Variants in ARMH4 observed in about 807,000 individuals in gnomAD.
ARMH4 encodes the protein armadillo-like helical domain-containing protein 4.
Under a neutral mutation model 61.9 loss-of-function variants are expected in ARMH4, and 49 were observed. That is an observed-to-expected ratio of 0.79 (90% CI 0.63 to 1.00). ARMH4 has a LOEUF of 1.00. ARMH4 is among the 50% of genes least tolerant of loss of function. The pLI, the probability that ARMH4 is intolerant of heterozygous loss-of-function variation, is 0.00. For missense variants in ARMH4, 934 were observed against 930.0 expected (o/e 1.00, Z -0.06); for synonymous variants, 368 against 341.5 (o/e 1.08, Z -0.85).
intron 5 of ARMH4, among the ~76,000 whole-genome samples, chr14:58,025,150 A>G (rs930774452): frequency 2.6e-5 from 4 of 152,172 alleles, no homozygotes; most frequent in Non-Finnish European, 5.9e-5. Flanking sequence ...CAATAAAGTG[A>G]AGGGAAATAA....
intron 4 of ARMH4, chr14:58,116,492 T>C (rs1422137968): frequency 2.6e-5 from 7 of 269,420 alleles, no homozygotes; most frequent in South Asian, 2.3e-4. Flanking sequence ...CTGGGCAACA[T>C]GGTGAAACCC....
Position 58,131,653 on chromosome 14 carries a change from G to A in ARMH4, c.1690C>T (p.Pro564Ser), listed in dbSNP as rs758259560. The change falls in exon 4 of 8, where the codon CCT (proline) becomes TCT (serine). Residue 564 changes from proline to serine, a missense_variant. Physicochemically the swap from Pro to Ser is moderately conservative, Grantham distance 74 (BLOSUM62 -1). Transcript: ENST00000267485. ...TPVLGSPVTP[P>S]GIMVGEPSIS... ...CTGGGTTCCCCCACCATTATTCCAG[G>A]AGGTGTCACTGGAGATCCCAGAACT... 36 of 1,614,086 alleles carry A rather than the reference G, an allele frequency of 2.2e-5. No individual in the cohort carries two copies. Among genetic ancestry groups the A allele is most frequent in the Non-Finnish European group, 2.8e-5 (33 of 1,180,022 alleles).
Position 58,139,216 on chromosome 14 carries a change from T to C in ARMH4, c.143A>G (p.Asp48Gly). Residue 48 changes from aspartate to glycine, a missense_variant, in exon 2 of 8, where the codon GAT becomes GGT. Asp to Gly is a moderately conservative substitution (Grantham distance 94, BLOSUM62 -1). Transcript: ENST00000267485. Reference sequence around the variant, plus strand: ...TTCTAGGTCATCGGTGTTCATCTTATCGGACTGCCCTTTTTCCGCATGAAC... The same window carrying C: ...TTCTAGGTCATCGGTGTTCATCTTACCGGACTGCCCTTTTTCCGCATGAAC... Reference protein sequence around the residue: ...AHVHAEKGQSDKMNTDDLENS... With the variant: ...AHVHAEKGQSGKMNTDDLENS... The C allele has an allele frequency of 1.9e-6, 3 of 1,614,258 alleles. No individual in the cohort carries two copies. The highest frequency in any genetic ancestry group is 1.7e-6 in the Non-Finnish European group (2 of 1,180,046).
intron 5 of ARMH4, among the ~76,000 whole-genome samples, chr14:58,032,209 G>A (rs921095524): frequency 5.3e-5 from 8 of 152,126 alleles, no homozygotes; most frequent in Non-Finnish European, 7.4e-5. Flanking sequence ...GCTCATTGCT[G>A]CAGCTCCAGC....
At position 58,138,015 on chromosome 14, in the gene ARMH4, G is replaced by A; in HGVS notation, c.1344C>T (p.Asp448=). 6.2e-7 allele frequency: 1 copy of A among 1,609,958 alleles called. No individual in the cohort carries two copies. Residue 448 remains aspartate (D), a synonymous_variant, in exon 2 of 8, where the codon GAC becomes GAT. Coordinates refer to ENST00000267485, the MANE Select transcript of ARMH4 (RefSeq NM_001001872.4). The stretch of plus-strand genomic sequence containing the variant: ...CTTTCATTGTATTTCCCAACAGTTG[G>A]TCTGCCTCAGACTCATATACAGAGA... ...VSVSVYESEA[D]QLLGNTMKDI...
At chr14:58,093,340 C>T (rs753166537) in intron 5 of ARMH4, among the ~76,000 whole-genome samples, 5 of 152,108 alleles carry the variant, frequency 3.3e-5, no homozygotes, top group Non-Finnish European at 5.9e-5. Context: ...ACTACAGGCA[C>T]ATACCACCCT....
chr14:58,035,142 G>C (rs1348679596), intron 5 of ARMH4, among the ~76,000 whole-genome samples: 39 of 145,802 alleles, frequency 2.7e-4, no homozygotes, highest in Non-Finnish European at 4.9e-4. Flanking sequence ...TGACCACATA[G>C]TTGGAAGTAA....
chr14:58,069,877 C>T (rs1332746891), intron 5 of ARMH4, among the ~76,000 whole-genome samples: 2 of 152,152 alleles, frequency 1.3e-5, no homozygotes, highest in African/African-American at 4.8e-5. Context: ...GTTGCTGATA[C>T]TCAATTAACA....
At chr14:58,023,142 A>G (rs1882902827) in intron 5 of ARMH4, among the ~76,000 whole-genome samples, 1 of 152,204 alleles carries the variant, frequency 6.6e-6, no homozygotes, top group Admixed American at 6.5e-5. Context: ...ATTTCTTAAA[A>G]TAAAACAACA....
intron 5 of ARMH4, among the ~76,000 whole-genome samples, chr14:58,038,944 G>A (rs8018047): frequency 0.28 from 42,743 of 152,068 alleles, 6,149 homozygotes; most frequent in Non-Finnish European, 0.31. Context: ...AATGCACTGC[G>A]TAGCTCTTCT....
At chr14:58,068,912 C>G (rs1359093768) in intron 5 of ARMH4, among the ~76,000 whole-genome samples, 1 of 150,672 alleles carries the variant, frequency 6.6e-6, no homozygotes, top group African/African-American at 2.4e-5. Context: ...GAAGCTGAGG[C>G]ATGAGAATCA....
At chr14:58,139,940 A>T (rs1887475366) in intron 1 of ARMH4, among the ~76,000 whole-genome samples, 1 of 152,202 alleles carries the variant, frequency 6.6e-6, no homozygotes, top group African/African-American at 2.4e-5. Flanking sequence ...CTTCATGAGG[A>T]CAGAACCCTC....
chr14:58,029,625 G>C (rs1271617816), intron 5 of ARMH4, among the ~76,000 whole-genome samples: 2 of 152,140 alleles, frequency 1.3e-5, no homozygotes, highest in Non-Finnish European at 1.5e-5. Context: ...TGAGGCATTA[G>C]GGAAATGCAA....
chr14:58,107,317 G>T (rs1366596015), intron 4 of ARMH4, among the ~76,000 whole-genome samples: 1 of 152,184 alleles, frequency 6.6e-6, no homozygotes, highest in Non-Finnish European at 1.5e-5. Flanking sequence ...CTTTCAAGGA[G>T]AATAGAGTCT....
intron 5 of ARMH4, among the ~76,000 whole-genome samples, chr14:58,060,435 G>T (rs1884492063): frequency 6.6e-6 from 1 of 152,126 alleles, no homozygotes; most frequent in African/African-American, 2.4e-5. Flanking sequence ...CCAAAGACTG[G>T]TTAAGATCTG....
At chr14:58,062,795 G>T (rs1453978887) in intron 5 of ARMH4, among the ~76,000 whole-genome samples, 3 of 152,314 alleles carry the variant, frequency 2.0e-5, no homozygotes, top group South Asian at 2.1e-4. Context: ...AGACAATAAG[G>T]CTCCATAATT....
At chr14:58,079,098 C>G (rs1885140898) in intron 5 of ARMH4, among the ~76,000 whole-genome samples, 1 of 152,202 alleles carries the variant, frequency 6.6e-6, no homozygotes, top group South Asian at 2.1e-4. Flanking sequence ...CACCCTTAGG[C>G]TTCCTTAACT....
rs1009779118 is a variant in ARMH4, at chr14:58,002,360, A to C, written c.*2376T>G. 1.3e-5 allele frequency: 2 copies of C among 152,198 alleles called. No homozygotes were observed. Among genetic ancestry groups the C allele is most frequent in the Non-Finnish European group, 2.9e-5 (2 of 68,042 alleles). 9.4% of individuals were successfully genotyped at this position (152,198 alleles called of 1,614,324 possible). A position where few individuals can be genotyped will look rare whatever the true frequency, so the allele number is the denominator to read the frequency against. On this transcript the variant is annotated 3_prime_UTR_variant, in exon 8 of 8. Coordinates refer to ENST00000267485, the MANE Select transcript of ARMH4 (RefSeq NM_001001872.4). The stretch of plus-strand genomic sequence containing the variant: ...TTGTACAGAAATGTACTCTAAGTAT[A>C]ATCTTTTCCTTTAAGAAATCATGTG...
intron 4 of ARMH4, among the ~76,000 whole-genome samples, chr14:58,124,131 T>C (rs1001040302): frequency 6.6e-6 from 1 of 152,088 alleles, no homozygotes; most frequent in African/African-American, 2.4e-5. Flanking sequence ...TACAGCAAAA[T>C]AGCCAGACCA....
Sources: allele counts gnomAD v4.1 joint callset (sites outside exome capture counted in the v4.1 genomes callset), GRCh38; gene constraint gnomAD v4.1.1; transcripts MANE v1.5; gene names NCBI Gene and HGNC (gene_info 2026-07-23, HGNC 2026-07-21).